CDH6: variants seen among roughly 807,000 people sequenced by gnomAD.
CDH6 encodes cadherin 6.
In CDH6, 31 loss-of-function variants were observed where a neutral mutation model predicts 78.0. That is an observed-to-expected ratio of 0.40 (90% CI 0.30 to 0.54). The LOEUF (loss-of-function observed/expected upper bound fraction) is 0.54, where lower values mean the gene tolerates loss of function less well. Among genes scored for constraint, CDH6 ranks in the 20% least tolerant of loss-of-function variants. The probability of loss-of-function intolerance (pLI) is 0.56; values close to 1 mark genes in which losing one functional copy is unlikely to be tolerated. For synonymous variants in CDH6, 376 were observed against 368.8 expected (o/e 1.02, Z -0.23); for missense variants, 724 against 975.9 (o/e 0.74, Z 3.44).
intron 2 of CDH6, among the ~76,000 whole-genome samples, chr5:31,290,215 G>A (rs1340362250): frequency 3.3e-5 from 5 of 152,082 alleles, no homozygotes; most frequent in South Asian, 2.1e-4. Flanking sequence ...AGCCGAGATC[G>A]CACCACTGCA....
intron 2 of CDH6, among the ~76,000 whole-genome samples, chr5:31,271,438 G>C (rs555502049): frequency 6.6e-6 from 1 of 152,284 alleles, no homozygotes; most frequent in East Asian, 1.9e-4. Flanking sequence ...CTTCCACTGC[G>C]TTCTGTTGCC....
chr5:31,314,457 G>A (rs941382478), intron 8 of CDH6, among the ~76,000 whole-genome samples: 100 of 151,418 alleles, frequency 6.6e-4, no homozygotes, highest in African/African-American at 2.4e-3. Flanking sequence ...AGTCCATATC[G>A]AATAGTTTAT....
At position 31,199,530 on chromosome 5, in the gene CDH6, G is replaced by GTA. The variant is rs573641782; in HGVS notation, c.-129+5652_-129+5653dup. On this transcript the variant is annotated intron_variant, in intron 1 of 11. Transcript: ENST00000265071. ...TATATATATGTACACACACATATGTGTATATATATGTATACACACATATGT... is the reference window on the plus strand; with the variant it reads ...TATATATATGTACACACACATATGTGTATATATATATGTATACACACATATGT... Among the ~76,000 whole-genome samples the GTA allele has an allele frequency of 6.5e-3, 869 of 133,360 alleles. 15 individuals carry two copies. Among genetic ancestry groups the GTA allele is most frequent in the African/African-American group, 0.022 (803 of 36,108 alleles). 87.5% of individuals were successfully genotyped at this position (133,360 alleles called of 152,430 possible).
At chr5:31,318,962 G>T in intron 11 of CDH6, 1 of 221,392 alleles carries the variant, frequency 4.5e-6, no homozygotes, top group Admixed American at 5.7e-5. Flanking sequence ...ACAGAACTGC[G>T]ATTCTCTTTG....
At chr5:31,320,725 C>T (rs188693427) in intron 11 of CDH6, among the ~76,000 whole-genome samples, 1 of 152,238 alleles carries the variant, frequency 6.6e-6, no homozygotes, top group Non-Finnish European at 1.5e-5. Flanking sequence ...CGCCTGTAAT[C>T]CCAACACTTT....
chr5:31,328,780 G>A lies in CDH6; in HGVS notation c.*5472G>A, dbSNP rs1022035499. 3 of 217,134 alleles carry A rather than the reference G, an allele frequency of 1.4e-5. No individual in the cohort carries two copies. The highest frequency in any genetic ancestry group is 1.9e-5 in the Non-Finnish European group (2 of 108,104). 13.5% of individuals were successfully genotyped at this position (217,134 alleles called of 1,614,324 possible). On this transcript the variant is annotated 3_prime_UTR_variant, in exon 12 of 12. Coordinates refer to ENST00000265071, the MANE Select transcript of CDH6 (RefSeq NM_004932.4). Reference sequence around the variant, plus strand: ...CACTCTTGTCGTTTTCCTCAGTATCGTTCATGTCTTTGGCAACAAGAACAC... The same window carrying A: ...CACTCTTGTCGTTTTCCTCAGTATCATTCATGTCTTTGGCAACAAGAACAC...
chr5:31,226,802 C>T (rs1055561907), intron 1 of CDH6, among the ~76,000 whole-genome samples: 3 of 152,154 alleles, frequency 2.0e-5, no homozygotes, highest in Non-Finnish European at 4.4e-5. Flanking sequence ...ACTGCAAATA[C>T]GTTGTGAAAA....
intron 1 of CDH6, among the ~76,000 whole-genome samples, chr5:31,194,624 T>C (rs1740111788): frequency 6.6e-6 from 1 of 152,126 alleles, no homozygotes; most frequent in African/African-American, 2.4e-5. Flanking sequence ...AAAAGTCATA[T>C]GGAAGGCGCA....
rs1307022076 is a variant in CDH6, at chr5:31,324,915, A to G, written c.*1607A>G. On this transcript the variant is annotated 3_prime_UTR_variant, in exon 12 of 12. Transcript: ENST00000265071. ...TCCTTGTTTTGAAAACCTAAAAGAC[A>G]GGCTCTGTATATATATATACTTAAG... The G allele has an allele frequency of 1.0e-5, 2 of 199,584 alleles. No individual in the cohort carries two copies. Among genetic ancestry groups the G allele is most frequent in the African/African-American group, 4.6e-5 (2 of 43,574 alleles). The allele number at this position is 199,584 out of a possible 1,614,324, so 12.4% of individuals were successfully genotyped here. A position where few individuals can be genotyped will look rare whatever the true frequency, so the allele number is the denominator to read the frequency against.
intron 6 of CDH6, 48 bp downstream of exon 6, chr5:31,302,346 C>A: frequency 7.2e-7 from 1 of 1,383,378 alleles, no homozygotes; most frequent in Non-Finnish European, 1.0e-6. Context: ...ATTTACTTTT[C>A]TCCAGTTCCT....
intron 1 of CDH6, among the ~76,000 whole-genome samples, chr5:31,225,342 G>A (rs1188046754): frequency 2.0e-5 from 3 of 152,154 alleles, no homozygotes; most frequent in Non-Finnish European, 4.4e-5. Flanking sequence ...CTTTGGGCTT[G>A]TTGATATTAT....
chr5:31,210,478 T>C (rs1740671556), intron 1 of CDH6, among the ~76,000 whole-genome samples: 1 of 152,156 alleles, frequency 6.6e-6, no homozygotes, highest in Non-Finnish European at 1.5e-5. Context: ...CACTCCAGAC[T>C]GGTTAACAGA....
At position 31,305,853 on chromosome 5, in the gene CDH6, GT is replaced by G. The variant is rs1231551733; in HGVS notation, c.1253+432del. Among the ~76,000 whole-genome samples, 8 of 151,964 alleles carry G rather than the reference GT, an allele frequency of 5.3e-5. No homozygotes were observed. The East Asian group carries it at 1.5e-3, about 29-fold the overall frequency. ...GTAGTTTTTTTATTGTTTGCTTTTTGTTTTTTCCAAACATTTTTTATTTCCA... is the reference window on the plus strand; with the variant it reads ...GTAGTTTTTTTATTGTTTGCTTTTTGTTTTTCCAAACATTTTTTATTTCCA... On this transcript the variant is annotated intron_variant, in intron 7 of 11. Transcript: ENST00000265071.
At chr5:31,250,923 G>A (rs1283990686) in intron 1 of CDH6, 1 of 152,508 alleles carries the variant, frequency 6.6e-6, no homozygotes, top group African/African-American at 2.4e-5. Flanking sequence ...CTGAATCCAA[G>A]TCCACAGGAA....
chr5:31,224,035 G>A (rs529405919), intron 1 of CDH6, among the ~76,000 whole-genome samples: 1 of 152,184 alleles, frequency 6.6e-6, no homozygotes, highest in Admixed American at 6.5e-5. Context: ...TAATCCTCAT[G>A]GTAACCCTGC....
chr5:31,264,939 A>G (rs550768683), intron 1 of CDH6, among the ~76,000 whole-genome samples: 22 of 152,310 alleles, frequency 1.4e-4, no homozygotes, highest in African/African-American at 4.8e-4. Flanking sequence ...TGCACACAAC[A>G]CCCACAGGGA....
At chr5:31,291,541 C>T (rs1743162737) in intron 2 of CDH6, among the ~76,000 whole-genome samples, 1 of 152,058 alleles carries the variant, frequency 6.6e-6, no homozygotes, top group African/African-American at 2.4e-5. Flanking sequence ...GGTTAATTGA[C>T]TCTGCTGTGT....
chr5:31,297,970 T>C (rs937245852), intron 4 of CDH6, among the ~76,000 whole-genome samples: 3 of 152,214 alleles, frequency 2.0e-5, no homozygotes, highest in African/African-American at 4.8e-5. Context: ...AGCTACCTGC[T>C]TACCTGCTCA....
chr5:31,237,363 C>T (rs1192026405), intron 1 of CDH6, among the ~76,000 whole-genome samples: 1 of 152,022 alleles, frequency 6.6e-6, no homozygotes, highest in Non-Finnish European at 1.5e-5. Flanking sequence ...GCTATCAGCA[C>T]CCTAGATCAT....
Sources: allele counts gnomAD v4.1 joint callset (sites outside exome capture counted in the v4.1 genomes callset), GRCh38; gene constraint gnomAD v4.1.1; transcripts MANE v1.5; gene names NCBI Gene and HGNC (gene_info 2026-07-23, HGNC 2026-07-21).